The following CEP78 variants were observed in gnomAD, a reference collection of about 807,000 sequenced individuals.
CEP78 encodes the protein centrosomal protein of 78 kDa.
Under a neutral mutation model 81.2 loss-of-function variants are expected in CEP78, and 76 were observed. The ratio of observed to expected loss-of-function variants is 0.94; its 90% CI spans 0.78 to 1.13. CEP78 has a LOEUF of 1.13. Ranked by LOEUF, CEP78 falls within the 50% of genes most tolerant of loss-of-function variation. The pLI is 0.00. For missense variants in CEP78, 918 were observed against 846.8 expected (o/e 1.08, Z -1.04); for synonymous variants, 293 against 301.4 (o/e 0.97, Z 0.29).
chr9:78,256,689 A>G (rs1283718619), intron 11 of CEP78, among the ~76,000 whole-genome samples: 1 of 151,962 alleles, frequency 6.6e-6, no homozygotes, highest in Non-Finnish European at 1.5e-5. Context: ...GAAAATAACC[A>G]TGGTTCACCT....
At chr9:78,238,071 G>A (rs1000991246) in intron 1 of CEP78, among the ~76,000 whole-genome samples, 20 of 151,450 alleles carry the variant, frequency 1.3e-4, no homozygotes, top group Non-Finnish European at 2.2e-4. Context: ...GTCGCAGTGA[G>A]CTGAGATTGC....
In CEP78 at chr9:78,265,481, G is replaced by A. The variant is rs1383088909; in HGVS notation, c.1735G>A (p.Ala579Thr). The change falls in exon 14 of 17, where the codon GCG becomes ACG. Residue 579 changes from alanine to threonine, a missense_variant. By Grantham distance (58) the Ala-to-Thr change is moderately conservative. Coordinates refer to ENST00000643273, the MANE Select transcript of CEP78 (RefSeq NM_001330691.3). The stretch of plus-strand genomic sequence containing the variant: ...TAATCCACCTAAAGAAGAAAAGAAG[G>A]CGCTTGAAGATGAAAAACCAGAACC... ...VSNPPKEEKK[A>T]LEDEKPEPKQ... is the part of the protein sequence containing the mutation. 2 of 1,589,912 alleles carry A rather than the reference G, an allele frequency of 1.3e-6. No individual in the cohort carries two copies. The highest frequency in any genetic ancestry group is 1.3e-5 in the African/African-American group (1 of 74,492).
At chr9:78,268,687 T>C (rs571634819) in intron 16 of CEP78, among the ~76,000 whole-genome samples, 1,582 of 149,274 alleles carry the variant, frequency 0.011, 15 homozygotes, top group Non-Finnish European at 0.012. Flanking sequence ...TTTCTTTTTT[T>C]TTTTTTTTTT....
chr9:78,269,349 G>T (rs143729409), intron 16 of CEP78, among the ~76,000 whole-genome samples: 1 of 152,278 alleles, frequency 6.6e-6, no homozygotes, highest in African/African-American at 2.4e-5. Flanking sequence ...GTTTAGTTTG[G>T]AGCAGGTTGA....
At chr9:78,251,472 T>G (rs569444900) in intron 8 of CEP78, among the ~76,000 whole-genome samples, 1 of 152,312 alleles carries the variant, frequency 6.6e-6, no homozygotes, top group South Asian at 2.1e-4. Context: ...CATGGGTGTA[T>G]CTATGTTCTG....
chr9:78,266,658 T>C lies in CEP78; in HGVS notation c.2062T>C (p.Leu688=). ...GTGSQRKEEE[L]SRNSRSSSEK... ...TGGAAGTCAAAGAAAAGAAGAGGAG[T>C]TGTCCAGAAATAGCAGATCTTCTTC... Residue 688 remains leucine, a synonymous_variant, in exon 16 of 17, where the codon TTG becomes CTG. Transcript: ENST00000643273. 1 of 1,612,008 alleles carries C rather than the reference T, an allele frequency of 6.2e-7. No individual in the cohort carries two copies. Among genetic ancestry groups the C allele is most frequent in the Non-Finnish European group, 8.5e-7 (1 of 1,179,008 alleles).
chr9:78,267,619 A>G (rs1459920126), intron 16 of CEP78, among the ~76,000 whole-genome samples: 1 of 152,188 alleles, frequency 6.6e-6, no homozygotes, highest in African/African-American at 2.4e-5. Context: ...TGGGATCTCA[A>G]CCAGAACCCA....
intron 6 of CEP78, among the ~76,000 whole-genome samples, chr9:78,246,988 T>A (rs1459449223): frequency 6.6e-6 from 1 of 152,188 alleles, no homozygotes; most frequent in Admixed American, 6.5e-5. Context: ...TGAATAGGAG[T>A]GAACCTAGAT....
chr9:78,277,246 C>G lies in CEP78; in HGVS notation c.*6395C>G, dbSNP rs1211106038. 1 of 151,620 alleles carries G rather than the reference C, an allele frequency of 6.6e-6. No homozygotes were observed. Among genetic ancestry groups the G allele is most frequent in the Non-Finnish European group, 1.5e-5 (1 of 67,864 alleles). 9.4% of individuals were successfully genotyped at this position (151,620 alleles called of 1,614,324 possible). On this transcript the variant is annotated 3_prime_UTR_variant, in exon 17 of 17. Coordinates refer to ENST00000643273, the MANE Select transcript of CEP78 (RefSeq NM_001330691.3). ...GTAATAAATGTGTAAGAAAGGCATT[C>G]CCAACCAAGACACAAAACCCAGTAG...
chr9:78,236,908 G>A (rs1411483003), intron 1 of CEP78, among the ~76,000 whole-genome samples: 2 of 144,778 alleles, frequency 1.4e-5, no homozygotes, highest in East Asian at 4.3e-4. Flanking sequence ...TTTATTGAAT[G>A]ACTTTGATTT....
At chr9:78,266,762 A>T in intron 16 of CEP78, 59 bp downstream of exon 16, 1 of 1,593,838 alleles carries the variant, frequency 6.3e-7, no homozygotes, top group Non-Finnish European at 8.5e-7. Flanking sequence ...TGCATTCCTG[A>T]TCTGACTGTC....
intron 4 of CEP78, 46 bp downstream of exon 4, chr9:78,241,845 C>T: frequency 9.7e-7 from 1 of 1,028,392 alleles, no homozygotes; most frequent in Non-Finnish European, 1.5e-6. Context: ...ATATGATTGC[C>T]ACACGTTAAT....
intron 5 of CEP78, among the ~76,000 whole-genome samples, chr9:78,244,845 C>T (rs1465934338): frequency 2.0e-5 from 3 of 152,056 alleles, no homozygotes; most frequent in African/African-American, 2.4e-5. Context: ...TGTTGTTGCC[C>T]GTGTCTCTTA....
In CEP78 at chr9:78,260,634, G is replaced by T. The variant is rs541771349; in HGVS notation, c.1381-2273G>T. On this transcript the variant is annotated intron_variant, in intron 11 of 16. Transcript: ENST00000643273. ...AAGCAGGAGAATGGTGTGAACCTGG[G>T]AGGTGGAGCTTGCAGTGAGCCGAGA... is the stretch of plus-strand genomic sequence containing the variant. Among the ~76,000 whole-genome samples, 322 of 151,126 alleles carry T rather than the reference G, an allele frequency of 2.1e-3. 2 individuals carry two copies. Among genetic ancestry groups the T allele is most frequent in the African/African-American group, 6.7e-3 (276 of 41,014 alleles).
Position 78,265,448 on chromosome 9 carries a change from A to G in CEP78, c.1702A>G (p.Thr568Ala), listed in dbSNP as rs779152145. Reference sequence around the variant, plus strand: ...ACTAGGTCATCCCCAGATGACTTCTACTGTTAGTAATCCACCTAAAGAAGA... The same window carrying G: ...ACTAGGTCATCCCCAGATGACTTCTGCTGTTAGTAATCCACCTAAAGAAGA... ...QLLGHPQMTSTVSNPPKEEKK... is the reference protein window; with the variant it reads ...QLLGHPQMTSAVSNPPKEEKK... Residue 568 changes from threonine (T) to alanine (A), a missense_variant, in exon 14 of 17, where the codon ACT becomes GCT. By Grantham distance (58) the Thr-to-Ala change is moderately conservative. Coordinates refer to ENST00000643273, the MANE Select transcript of CEP78 (RefSeq NM_001330691.3). 4 of 1,599,158 alleles carry G rather than the reference A, an allele frequency of 2.5e-6. No individual in the cohort carries two copies. The highest frequency in any genetic ancestry group is 3.4e-6 in the Non-Finnish European group (4 of 1,172,466).
At chr9:78,244,611 C>CT (rs1826395687) in intron 5 of CEP78, among the ~76,000 whole-genome samples, 2 of 152,112 alleles carry the variant, frequency 1.3e-5, no homozygotes, top group African/African-American at 4.8e-5. Flanking sequence ...AACTCCCCTG[C>CT]TTTTTCTTTT....
At position 78,252,062 on chromosome 9, in the gene CEP78, C is replaced by T; in HGVS notation, c.1205+19C>T. On this transcript the variant is annotated intron_variant, in intron 9 of 16. Coordinates refer to ENST00000643273, the MANE Select transcript of CEP78 (RefSeq NM_001330691.3). ...GACACAGGTAGGGTATTTTTATTTC[C>T]TATCTTTTAGGATAAAAATGGGATT... 6.4e-7 allele frequency: 1 copy of T among 1,554,064 alleles called. No individual in the cohort carries two copies. The highest frequency in any genetic ancestry group is 8.8e-7 in the Non-Finnish European group (1 of 1,139,322).
Position 78,274,034 on chromosome 9 carries a change from C to A in CEP78, c.*3183C>A, listed in dbSNP as rs1827752960. 1.3e-5 allele frequency: 2 copies of A among 152,250 alleles called. No homozygotes were observed. Among genetic ancestry groups the A allele is most frequent in the Admixed American group, 1.3e-4 (2 of 15,284 alleles). 9.4% of individuals were successfully genotyped at this position (152,250 alleles called of 1,614,324 possible). A position where few individuals can be genotyped will look rare whatever the true frequency, so the allele number is the denominator to read the frequency against. On this transcript the variant is annotated 3_prime_UTR_variant, in exon 17 of 17. Coordinates refer to ENST00000643273, the MANE Select transcript of CEP78 (RefSeq NM_001330691.3). ...CATACCATATGACCAAGCAGTCCCA[C>A]TCCTGGGTATTTAGAGAGATGAAAA...
chr9:78,243,724 G>T, intron 5 of CEP78, 88 bp downstream of exon 5: 4 of 1,062,726 alleles, frequency 3.8e-6, no homozygotes, highest in South Asian at 5.2e-5. Context: ...GTTGTCCGAA[G>T]GTTTTTTAAA....
Sources: allele counts gnomAD v4.1 joint callset (sites outside exome capture counted in the v4.1 genomes callset), GRCh38; gene constraint gnomAD v4.1.1; transcripts MANE v1.5; gene names NCBI Gene and HGNC (gene_info 2026-07-23, HGNC 2026-07-21).